Variants in CRYBG3 observed in about 807,000 individuals in gnomAD.
CRYBG3 encodes crystallin beta-gamma domain containing 3, also known as very large A-kinase anchor protein.
A neutral mutation model predicts 244.2 loss-of-function variants in CRYBG3; 127 were observed. That is an observed-to-expected ratio of 0.52 (90% CI 0.45 to 0.60). CRYBG3 has a LOEUF of 0.60. Among genes scored for constraint, CRYBG3 ranks in the 20% least tolerant of loss-of-function variants. The pLI is 0.00. For missense variants in CRYBG3, 3,325 were observed against 3,442.5 expected (o/e 0.97, Z 0.85); for synonymous variants, 1,132 against 1,195.8 (o/e 0.95, Z 1.10).
intron 15 of CRYBG3, among the ~76,000 whole-genome samples, chr3:97,904,215 G>C (rs75545819): frequency 1.2e-3 from 190 of 152,214 alleles, no homozygotes; most frequent in African/African-American, 4.5e-3. Context: ...ATTATTATGA[G>C]AATTGTTCTA....
At chr3:97,882,288 A>G (rs1001537866) in intron 7 of CRYBG3, among the ~76,000 whole-genome samples, 1 of 152,158 alleles carries the variant, frequency 6.6e-6, no homozygotes, top group Non-Finnish European at 1.5e-5. Flanking sequence ...AATTAGAAGT[A>G]TACTATTCAG....
At chr3:97,826,358 G>A (rs1316532057) in intron 1 of CRYBG3, among the ~76,000 whole-genome samples, 1 of 152,168 alleles carries the variant, frequency 6.6e-6, no homozygotes, top group Non-Finnish European at 1.5e-5. Context: ...CCTGCAGTAA[G>A]TTTATATAAT....
intron 3 of CRYBG3, among the ~76,000 whole-genome samples, chr3:97,871,271 C>T (rs1246088262): frequency 6.6e-6 from 1 of 152,206 alleles, no homozygotes; most frequent in Non-Finnish European, 1.5e-5. Context: ...AATTTTAATG[C>T]AGTTTTGTCA....
chr3:97,887,917 T>C (rs2039528386), intron 8 of CRYBG3, among the ~76,000 whole-genome samples: 1 of 152,228 alleles, frequency 6.6e-6, no homozygotes, highest in South Asian at 2.1e-4. Context: ...ATAGAACTGA[T>C]ATTGATTCTG....
At chr3:97,918,149 C>A (rs2039946784) in intron 17 of CRYBG3, among the ~76,000 whole-genome samples, 1 of 152,134 alleles carries the variant, frequency 6.6e-6, no homozygotes, top group South Asian at 2.1e-4. Context: ...CTGCAGAATT[C>A]TAGGGATGTT....
chr3:97,920,209 AAG>A (rs1406812472), intron 17 of CRYBG3, among the ~76,000 whole-genome samples: 1 of 152,212 alleles, frequency 6.6e-6, no homozygotes, highest in African/African-American at 2.4e-5. Flanking sequence ...TGAATTAAAA[AAG>A]AATTAGATGG....
At chr3:97,841,190 GTGTGTATA>G (rs2038807598) in intron 1 of CRYBG3, among the ~76,000 whole-genome samples, 2 of 141,032 alleles carry the variant, frequency 1.4e-5, no homozygotes, top group Non-Finnish European at 3.1e-5. Context: ...GCTCATATAT[GTGTGTATA>G]TATGTATATA....
At chr3:97,902,063 A>G (rs1045252857) in intron 15 of CRYBG3, among the ~76,000 whole-genome samples, 1 of 152,200 alleles carries the variant, frequency 6.6e-6, no homozygotes, top group Non-Finnish European at 1.5e-5. Flanking sequence ...TTAAACAAAC[A>G]GATCTTGGCT....
At chr3:97,878,239 T>A (rs919331094) in intron 4 of CRYBG3, among the ~76,000 whole-genome samples, 15 of 152,034 alleles carry the variant, frequency 9.9e-5, no homozygotes, top group Non-Finnish European at 2.1e-4. Flanking sequence ...TGAAACCTTG[T>A]CTCTACTAAA....
Position 97,886,757 on chromosome 3 carries a change from A to C in CRYBG3, c.7279A>C (p.Lys2427Gln). 6.2e-7 allele frequency: 1 copy of C among 1,602,104 alleles called. No individual in the cohort carries two copies. Among genetic ancestry groups the C allele is most frequent in the Non-Finnish European group, 8.5e-7 (1 of 1,176,410 alleles). Residue 2427 changes from lysine (K) to glutamine (Q), a missense_variant, in exon 8 of 22, where the codon AAG (lysine) becomes CAG (glutamine). By Grantham distance (53) the Lys-to-Gln change is moderately conservative. Transcript: ENST00000389622. ...CTCCAAATCTGTGTCCTTCACTGTG[A>C]AGTCAGGAGTGTACGTATCAGTTCC... ...NISKSVSFTV[K>Q]SGVWLAYPDI...
intron 2 of CRYBG3, among the ~76,000 whole-genome samples, chr3:97,850,549 T>C (rs138341572): frequency 6.6e-6 from 1 of 152,332 alleles, no homozygotes; most frequent in African/African-American, 2.4e-5. Flanking sequence ...TGTGTGATGA[T>C]ATAAAAGTTG....
intron 6 of CRYBG3, 59 bp downstream of exon 6, chr3:97,880,159 T>G: frequency 1.2e-6 from 1 of 843,182 alleles, no homozygotes; most frequent in Non-Finnish European, 1.9e-6. Context: ...GTCTTCTTGC[T>G]GTTAATGCTT....
At chr3:97,826,047 G>A (rs2038572107) in intron 1 of CRYBG3, among the ~76,000 whole-genome samples, 1 of 152,214 alleles carries the variant, frequency 6.6e-6, no homozygotes, top group South Asian at 2.1e-4. Context: ...CTTCAGTAGT[G>A]AAGATGACGA....
intron 17 of CRYBG3, chr3:97,933,071 T>TC (rs1276109101): frequency 2.3e-6 from 1 of 441,168 alleles, no homozygotes. Context: ...TGTTTTATCA[T>TC]CCCCCCAAAA....
chr3:97,919,925 C>A (rs2039966120), intron 17 of CRYBG3, among the ~76,000 whole-genome samples: 3 of 152,036 alleles, frequency 2.0e-5, no homozygotes. Context: ...ACCACCATGT[C>A]TGGCTAGTTT....
At chr3:97,839,740 A>G (rs765638766) in intron 1 of CRYBG3, among the ~76,000 whole-genome samples, 5 of 148,918 alleles carry the variant, frequency 3.4e-5, no homozygotes, top group Non-Finnish European at 6.0e-5. Flanking sequence ...AACACGTACC[A>G]CCATGCCCAG....
chr3:97,913,865 C>A (rs1014773452), intron 16 of CRYBG3, among the ~76,000 whole-genome samples: 7 of 152,144 alleles, frequency 4.6e-5, no homozygotes, highest in Admixed American at 3.9e-4. Context: ...AAGCTTTTGT[C>A]TTTGTCGGTA....
chr3:97,915,572 A>G, intron 16 of CRYBG3, 38 bp from the exon 17 acceptor site: 1 of 1,583,338 alleles, frequency 6.3e-7, no homozygotes, highest in Non-Finnish European at 8.6e-7. Flanking sequence ...TGCCAAGTGA[A>G]TGCAATTTGA....
chr3:97,906,280 A>G (rs1448994049), intron 15 of CRYBG3, among the ~76,000 whole-genome samples: 1 of 128,834 alleles, frequency 7.8e-6, no homozygotes, highest in Admixed American at 8.3e-5. Context: ...AATTCTGTGA[A>G]GAAAGGCATT....
Sources: gnomAD v4.1 joint callset for allele counts (sites outside exome capture counted in the v4.1 genomes callset) on GRCh38, gnomAD v4.1.1 for gene constraint, MANE v1.5 for transcripts, NCBI Gene and HGNC (gene_info 2026-07-23, HGNC 2026-07-21) for gene names.